The following PPP6R2 variants were observed in gnomAD, a reference collection of about 807,000 sequenced individuals.
The protein encoded by PPP6R2 is protein phosphatase 6 regulatory subunit 2.
Under a neutral mutation model 100.2 loss-of-function variants are expected in PPP6R2, and 62 were observed. The ratio of observed to expected loss-of-function variants is 0.62; its 90% CI spans 0.50 to 0.76. The LOEUF (loss-of-function observed/expected upper bound fraction) is 0.76, where lower values mean the gene tolerates loss of function less well. Among genes scored for constraint, PPP6R2 ranks in the 30% least tolerant of loss-of-function variants. PPP6R2 has a pLI of 0.00. For synonymous variants in PPP6R2, 525 were observed against 514.7 expected, an observed-to-expected ratio of 1.02 and a Z score of -0.27; for missense variants, 1,142 against 1,276.3, an observed-to-expected ratio of 0.89 and a Z score of 1.60.
chr22:50,438,778 AG>A lies in PPP6R2; in HGVS notation c.2128+20del. 6.3e-7 allele frequency: 1 copy of A among 1,576,172 alleles called. No individual in the cohort carries two copies. ...GACTCAGAAGGTGGTGCTGGGCGCC[AG>A]GGGCTGGGAGTGTGGGTATCGGGGA... On this transcript the variant is annotated intron_variant, in intron 19 of 23. Transcript: ENST00000612753.
rs181565885 is a variant in PPP6R2, at chr22:50,391,265, C to G, written c.-16-2628C>G. Among the ~76,000 whole-genome samples the G allele has an allele frequency of 2.2e-4, 34 of 151,612 alleles. No homozygotes were observed. In the South Asian group the frequency reaches 2.3e-3, roughly 10 times the overall value. ...TGACCAGTATGGTGAAACCCCATCT[C>G]TACTAAAAATACAAAAAATCAGCTG... On this transcript the variant is annotated intron_variant, in intron 2 of 23. Coordinates refer to ENST00000612753, the MANE Select transcript of PPP6R2 (RefSeq NM_001242898.2).
intron 3 of PPP6R2, among the ~76,000 whole-genome samples, chr22:50,403,075 T>C (rs2058303682): frequency 6.6e-6 from 1 of 152,174 alleles, no homozygotes; most frequent in Non-Finnish European, 1.5e-5. Flanking sequence ...TAGCCGAGCA[T>C]GGTGGTGCAT....
intron 14 of PPP6R2, among the ~76,000 whole-genome samples, 191 bp downstream of exon 14, chr22:50,436,643 G>A (rs2064345260): frequency 6.6e-6 from 1 of 152,266 alleles, no homozygotes; most frequent in African/African-American, 2.4e-5. Context: ...ACCCCGTCCT[G>A]TGCCACACCC....
At chr22:50,375,282 A>AT (rs1352482461) in intron 2 of PPP6R2, among the ~76,000 whole-genome samples, 1 of 152,210 alleles carries the variant, frequency 6.6e-6, no homozygotes, top group Non-Finnish European at 1.5e-5. Context: ...AAAAAACATA[A>AT]ATAAAAGAAC....
intron 1 of PPP6R2, among the ~76,000 whole-genome samples, chr22:50,358,227 A>G (rs544676883): frequency 1.3e-5 from 2 of 152,260 alleles, no homozygotes; most frequent in East Asian, 1.9e-4. Context: ...AGTCGCTCAG[A>G]TTACAGGTGT....
intron 1 of PPP6R2, among the ~76,000 whole-genome samples, chr22:50,350,980 T>G (rs889106969): frequency 3.3e-5 from 5 of 150,422 alleles, no homozygotes; most frequent in African/African-American, 1.2e-4. Context: ...TGAGCAGTAA[T>G]ATTTTGAAAG....
chr22:50,432,263 A>AG lies in PPP6R2; in HGVS notation c.1336-1dup. ...ACGCTGTCCCCCTGCCCCGCCCCCC[A>AG]GCTGTTCCAGAAGTGCTGCCTGGTG... On this transcript the variant is annotated splice_acceptor_variant, in intron 11 of 23. Coordinates refer to ENST00000612753, the MANE Select transcript of PPP6R2 (RefSeq NM_001242898.2). LOFTEE classifies it high-confidence loss of function. 6.5e-7 allele frequency: 1 copy of AG among 1,549,678 alleles called. No homozygotes were observed. Among genetic ancestry groups the AG allele is most frequent in the Non-Finnish European group, 8.7e-7 (1 of 1,146,908 alleles).
intron 2 of PPP6R2, among the ~76,000 whole-genome samples, chr22:50,379,156 T>A (rs997160259): frequency 1.2e-4 from 18 of 152,136 alleles, no homozygotes. Context: ...TATTTTGTTA[T>A]AGCAGCAGAA....
intron 2 of PPP6R2, among the ~76,000 whole-genome samples, chr22:50,385,116 A>C (rs946177580): frequency 6.6e-6 from 1 of 152,108 alleles, no homozygotes; most frequent in East Asian, 1.9e-4. Context: ...GGATTAATCC[A>C]TTCTTGAGGG....
intron 22 of PPP6R2, 71 bp downstream of exon 22, chr22:50,441,097 C>T (rs2065481871): frequency 1.5e-6 from 2 of 1,301,974 alleles, no homozygotes. Context: ...GTCCCCAGGT[C>T]TCAGCTCCCC....
At chr22:50,436,515 CT>C (rs2064310520) in intron 14 of PPP6R2, 63 bp downstream of exon 14, 1 of 1,503,440 alleles carries the variant, frequency 6.7e-7, no homozygotes, top group Non-Finnish European at 9.0e-7. Flanking sequence ...TCAGACGCTC[CT>C]GCCTTTGCCC....
At chr22:50,358,417 C>T (rs913954022) in intron 1 of PPP6R2, among the ~76,000 whole-genome samples, 9 of 151,494 alleles carry the variant, frequency 5.9e-5, no homozygotes, top group African/African-American at 2.2e-4. Flanking sequence ...GTAGATGCTG[C>T]CCTGTGTTTT....
chr22:50,386,908 A>G (rs1024080330), intron 2 of PPP6R2, among the ~76,000 whole-genome samples: 4 of 152,156 alleles, frequency 2.6e-5, no homozygotes, highest in African/African-American at 7.2e-5. Flanking sequence ...ACTGGGGACA[A>G]GTAGAATGTC....
chr22:50,401,620 T>TC (rs1423557013), intron 3 of PPP6R2, among the ~76,000 whole-genome samples: 1 of 150,800 alleles, frequency 6.6e-6, no homozygotes, highest in African/African-American at 2.4e-5. Context: ...CACACCATTC[T>TC]CCCGCCTCAG....
chr22:50,439,469 T>C (rs1158641957), intron 19 of PPP6R2, among the ~76,000 whole-genome samples: 1 of 152,164 alleles, frequency 6.6e-6, no homozygotes, highest in East Asian at 1.9e-4. Context: ...CTCAGGCACC[T>C]GACTGAGCCC....
At chr22:50,386,016 G>A (rs895632177) in intron 2 of PPP6R2, among the ~76,000 whole-genome samples, 1 of 149,570 alleles carries the variant, frequency 6.7e-6, no homozygotes, top group African/African-American at 2.5e-5. Context: ...GTAGAGACGG[G>A]GTTTCACTGT....
chr22:50,356,491 G>A (rs901916716), intron 1 of PPP6R2, among the ~76,000 whole-genome samples: 7 of 151,806 alleles, frequency 4.6e-5, no homozygotes, highest in African/African-American at 1.7e-4. Context: ...ATTTTTAGTA[G>A]AGACAAGATT....
intron 4 of PPP6R2, among the ~76,000 whole-genome samples, chr22:50,409,374 ATTTG>A (rs1479866576): frequency 6.6e-6 from 1 of 151,866 alleles, no homozygotes; most frequent in African/African-American, 2.4e-5. Context: ...ATATCTCTTT[ATTTG>A]TTTTTCTTCA....
the PPP6R2 span, among the ~76,000 whole-genome samples, chr22:50,330,978 G>A: frequency 0.02 from 3,013 of 152,244 alleles, 37 homozygotes; most frequent in Middle Eastern, 0.037. Context: ...TCAGATTTGT[G>A]AGCTCCAGGA....
Sources: allele counts gnomAD v4.1 joint callset (sites outside exome capture counted in the v4.1 genomes callset), GRCh38; gene constraint gnomAD v4.1.1; transcripts MANE v1.5; gene names NCBI Gene and HGNC (gene_info 2026-07-23, HGNC 2026-07-21).